The following FANK1 variants were observed in gnomAD, a reference collection of about 807,000 sequenced individuals.
FANK1 encodes fibronectin type III and ankyrin repeat domains 1.
In FANK1, 44 loss-of-function variants were observed where a neutral mutation model predicts 45.3. The observed-to-expected ratio is 0.97, with a 90% CI of 0.76 to 1.25. The LOEUF (loss-of-function observed/expected upper bound fraction) is 1.25. FANK1 is among the 50% of genes most tolerant of loss of function. The pLI is 0.00. For synonymous variants in FANK1, 149 were observed against 152.5 expected, an observed-to-expected ratio of 0.98 and a Z score of 0.17; for missense variants, 391 against 424.4, an observed-to-expected ratio of 0.92 and a Z score of 0.69.
At chr10:125,980,679 A>G (rs1013287858) in intron 2 of FANK1, 1 of 258,576 alleles carries the variant, frequency 3.9e-6, no homozygotes, top group Non-Finnish European at 7.4e-6. Flanking sequence ...ATGGCCCCGC[A>G]TGGTCTACCC....
chr10:125,996,787 G>T (rs1590217466), intron 5 of FANK1, among the ~76,000 whole-genome samples, 163 bp downstream of exon 5: 1 of 152,104 alleles, frequency 6.6e-6, no homozygotes, highest in African/African-American at 2.4e-5. Context: ...TTCAACTATT[G>T]TAATCATAAA....
At chr10:125,997,798 C>T (rs1169873996) in intron 6 of FANK1, among the ~76,000 whole-genome samples, 1 of 152,372 alleles carries the variant, frequency 6.6e-6, no homozygotes, top group East Asian at 1.9e-4. Flanking sequence ...GCCATCCGCG[C>T]TGGGCGTGGG....
chr10:125,941,482 A>G (rs1948449531), intron 1 of FANK1, among the ~76,000 whole-genome samples: 1 of 152,242 alleles, frequency 6.6e-6, no homozygotes, highest in Non-Finnish European at 1.5e-5. Flanking sequence ...CACTTCGAGA[A>G]ACAATTTGAC....
intron 1 of FANK1, among the ~76,000 whole-genome samples, chr10:125,911,287 G>A (rs780765084): frequency 6.6e-6 from 1 of 152,176 alleles, no homozygotes; most frequent in Non-Finnish European, 1.5e-5. Flanking sequence ...GTGGAAAGCC[G>A]TCAGCAGAAG....
At chr10:125,980,374 T>G (rs773956435) in intron 2 of FANK1, 36 bp downstream of exon 2, 12 of 1,581,094 alleles carry the variant, frequency 7.6e-6, no homozygotes, top group Non-Finnish European at 1.0e-5. Context: ...CACTTTGCCT[T>G]ACTTCCTGAT....
At chr10:125,981,392 C>T (rs1381127659) in intron 2 of FANK1, among the ~76,000 whole-genome samples, 2 of 150,326 alleles carry the variant, frequency 1.3e-5, no homozygotes, top group African/African-American at 2.5e-5. Flanking sequence ...CCTGTAGTCC[C>T]GGGCTGAGGT....
chr10:125,956,887 T>C (rs10794044), intron 1 of FANK1, among the ~76,000 whole-genome samples: 107,916 of 152,118 alleles, frequency 0.71, 39,260 homozygotes, highest in South Asian at 0.8. Flanking sequence ...CTCGCTCTGT[T>C]GTCCAGGCAG....
intron 4 of FANK1, among the ~76,000 whole-genome samples, chr10:125,996,144 G>A (rs1400372696): frequency 6.6e-6 from 1 of 152,196 alleles, no homozygotes; most frequent in Non-Finnish European, 1.5e-5. Flanking sequence ...CAGTAGGTGA[G>A]ATGGGAGGCA....
At chr10:125,943,254 T>C (rs940810057) in intron 1 of FANK1, among the ~76,000 whole-genome samples, 9 of 152,150 alleles carry the variant, frequency 5.9e-5, no homozygotes, top group African/African-American at 2.2e-4. Context: ...CATTTTTCAT[T>C]TTTTTTTCTA....
chr10:125,952,957 G>C (rs1949349074), intron 1 of FANK1, among the ~76,000 whole-genome samples: 1 of 152,100 alleles, frequency 6.6e-6, no homozygotes, highest in African/African-American at 2.4e-5. Flanking sequence ...AAAGCTCAGT[G>C]TAGAAAATGC....
intron 1 of FANK1, among the ~76,000 whole-genome samples, chr10:125,912,466 GTGTGTGTGTGTGTGTGTGTGTT>G (rs1165840721): frequency 2.9e-5 from 4 of 138,088 alleles, no homozygotes; most frequent in African/African-American, 5.8e-5. Context: ...GTGTGTGTGT[GTGTGTGTGTGTGTGTGTGTGTT>G]TTTGAGATTA....
At chr10:125,963,440 T>A (rs147639926) in intron 1 of FANK1, among the ~76,000 whole-genome samples, 1 of 152,190 alleles carries the variant, frequency 6.6e-6, no homozygotes, top group Non-Finnish European at 1.5e-5. Context: ...TACAGACACA[T>A]GCACAGGTAC....
intron 7 of FANK1, among the ~76,000 whole-genome samples, chr10:126,006,630 C>T (rs1376370403): frequency 6.6e-6 from 1 of 152,182 alleles, no homozygotes; most frequent in Non-Finnish European, 1.5e-5. Context: ...GAGGCCAAGG[C>T]GGGTGGATCA....
intron 1 of FANK1, among the ~76,000 whole-genome samples, chr10:125,904,289 C>T (rs1437076095): frequency 1.3e-5 from 2 of 152,226 alleles, no homozygotes; most frequent in Non-Finnish European, 2.9e-5. Context: ...CTTACCAAAC[C>T]AAACATAAGA....
At chr10:126,007,419 T>A (rs1015715578) in intron 7 of FANK1, among the ~76,000 whole-genome samples, 3 of 152,258 alleles carry the variant, frequency 2.0e-5, no homozygotes, top group Non-Finnish European at 1.5e-5. Flanking sequence ...CTTATTTTAT[T>A]ATTCTTTAAA....
At chr10:125,905,114 G>A in intron 1 of FANK1, among the ~76,000 whole-genome samples, 1 of 124,732 alleles carries the variant, frequency 8.0e-6, no homozygotes, top group South Asian at 2.9e-4. Context: ...CCAGGTGACA[G>A]AGCGAGACTC....
chr10:125,996,910 ATTTTTT>A (rs546014253), intron 5 of FANK1, among the ~76,000 whole-genome samples: 2 of 147,588 alleles, frequency 1.4e-5, no homozygotes, highest in Admixed American at 6.8e-5. Flanking sequence ...TTGGAATTCA[ATTTTTT>A]TTTTTTAAGA....
chr10:125,944,441 T>C (rs980302133), intron 1 of FANK1, among the ~76,000 whole-genome samples: 1 of 152,242 alleles, frequency 6.6e-6, no homozygotes, highest in Non-Finnish European at 1.5e-5. Context: ...AACTTTTTCA[T>C]TGTGATCTCT....
intron 1 of FANK1, among the ~76,000 whole-genome samples, chr10:125,963,090 G>A (rs950964990): frequency 6.6e-6 from 1 of 151,218 alleles, no homozygotes; most frequent in South Asian, 2.1e-4. Context: ...GGGTTCAAGC[G>A]ATTCTGCCTC....
Sources: gnomAD v4.1 joint callset for allele counts (sites outside exome capture counted in the v4.1 genomes callset) on GRCh38, gnomAD v4.1.1 for gene constraint, MANE v1.5 for transcripts, NCBI Gene and HGNC (gene_info 2026-07-23, HGNC 2026-07-21) for gene names.